The following SRGAP3 variants were observed in gnomAD, a reference collection of about 807,000 sequenced individuals.
The protein encoded by SRGAP3 is SLIT-ROBO Rho GTPase activating protein 3.
In SRGAP3, 39 loss-of-function variants were observed where a neutral mutation model predicts 121.1. The observed-to-expected ratio is 0.32, with a 90% CI of 0.25 to 0.42. SRGAP3 has a LOEUF of 0.42. Among genes scored for constraint, SRGAP3 ranks in the 10% least tolerant of loss-of-function variants. The pLI is 1.00. For synonymous variants in SRGAP3, 601 were observed against 570.0 expected (o/e 1.05, Z -0.77); for missense variants, 1,213 against 1,470.6 (o/e 0.82, Z 2.86).
chr3:9,102,033 G>C (rs1948236250), intron 3 of SRGAP3, among the ~76,000 whole-genome samples: 3 of 152,342 alleles, frequency 2.0e-5, no homozygotes, highest in African/African-American at 7.2e-5. Flanking sequence ...CCAGGCCCAA[G>C]CCAGAAGATA....
intron 1 of SRGAP3, among the ~76,000 whole-genome samples, chr3:9,235,107 G>T (rs1210425757): frequency 6.6e-6 from 1 of 152,202 alleles, no homozygotes; most frequent in Non-Finnish European, 1.5e-5. Context: ...CGCCACAAGA[G>T]AGTGGTGTCC....
At chr3:9,290,390 G>A (rs918969575) in intron 3 of SRGAP3, among the ~76,000 whole-genome samples, 1 of 152,134 alleles carries the variant, frequency 6.6e-6, no homozygotes, top group African/African-American at 2.4e-5. Flanking sequence ...ATGTTGTTTG[G>A]TTACATAGGA....
intron 3 of SRGAP3, among the ~76,000 whole-genome samples, chr3:9,286,910 G>GT (rs34583038): frequency 0.28 from 42,142 of 148,416 alleles, 6,472 homozygotes; most frequent in Admixed American, 0.4. Context: ...GCTATCTTGT[G>GT]TTTTTTTAAT....
intron 2 of SRGAP3, among the ~76,000 whole-genome samples, chr3:9,113,421 C>A (rs573258376): frequency 6.6e-6 from 1 of 152,234 alleles, no homozygotes; most frequent in African/African-American, 2.4e-5. Flanking sequence ...GGTCTCTGTG[C>A]CCAAAGTTCC....
chr3:9,003,479 A>AAAACAAAC (rs149943964), intron 18 of SRGAP3, among the ~76,000 whole-genome samples: 102,633 of 149,828 alleles, frequency 0.69, 36,080 homozygotes, highest in South Asian at 0.84. Flanking sequence ...ATTCCATCTC[A>AAAACAAAC]AAACAAACAA....
At chr3:8,989,297 G>T (rs1228811732) in intron 21 of SRGAP3, among the ~76,000 whole-genome samples, 6 of 152,218 alleles carry the variant, frequency 3.9e-5, no homozygotes, top group Non-Finnish European at 7.3e-5. Flanking sequence ...TCAAGTATGG[G>T]GGGGACCAGC....
Position 8,992,897 on chromosome 3 carries a change from A to C in SRGAP3, c.2558+9T>G. ...ACCAGCAGGGAAAAAATGAATCCGC[A>C]TATCCTACCGGCCCATCACCCCCCC... On this transcript the variant is annotated intron_variant, in intron 20 of 21. Coordinates refer to ENST00000383836, the MANE Select transcript of SRGAP3 (RefSeq NM_014850.4). 1 of 1,614,104 alleles carries C rather than the reference A, an allele frequency of 6.2e-7. No individual in the cohort carries two copies. The highest frequency in any genetic ancestry group is 8.5e-7 in the Non-Finnish European group (1 of 1,180,020).
At chr3:9,288,796 G>A (rs1954826464) in intron 3 of SRGAP3, among the ~76,000 whole-genome samples, 1 of 150,948 alleles carries the variant, frequency 6.6e-6, no homozygotes, top group Non-Finnish European at 1.5e-5. Context: ...GGCTGGTCTT[G>A]AACTCCTGGG....
chr3:9,108,991 G>A lies in SRGAP3; in HGVS notation c.261-4149C>T, dbSNP rs1255484862. 2.0e-5 allele frequency among the ~76,000 whole-genome samples: 3 copies of A among 152,208 alleles called. No homozygotes were observed. The East Asian group carries it at 5.8e-4, about 29-fold the overall frequency. On this transcript the variant is annotated intron_variant, in intron 2 of 21. Transcript: ENST00000383836. ...TCAGATCTTAGGCGACTGGGTAGAT[G>A]CTGATGACATGAACTGAGATAAGAA...
chr3:9,158,556 T>C (rs554411068), intron 1 of SRGAP3, among the ~76,000 whole-genome samples: 1 of 152,304 alleles, frequency 6.6e-6, no homozygotes, highest in African/African-American at 2.4e-5. Context: ...ATTATCCCCA[T>C]GTTCCAGGTG....
intron 2 of SRGAP3, among the ~76,000 whole-genome samples, chr3:9,118,039 G>A (rs1948868697): frequency 6.6e-6 from 1 of 152,114 alleles, no homozygotes; most frequent in Non-Finnish European, 1.5e-5. Flanking sequence ...GGCTGAGGCA[G>A]GAGGATCACT....
intron 3 of SRGAP3, among the ~76,000 whole-genome samples, chr3:9,274,026 G>C (rs1954527726): frequency 6.6e-6 from 1 of 152,062 alleles, no homozygotes; most frequent in Non-Finnish European, 1.5e-5. Context: ...CTAGATTAAA[G>C]GTCTTCCACT....
At chr3:9,276,496 G>T (rs12715662) in intron 3 of SRGAP3, among the ~76,000 whole-genome samples, 83,432 of 150,704 alleles carry the variant, frequency 0.55, 23,564 homozygotes, top group East Asian at 0.94. Flanking sequence ...CGCAATCTCG[G>T]CTCACTGCAA....
chr3:9,060,317 C>T lies in SRGAP3; in HGVS notation c.715G>A (p.Ala239Thr). The part of the protein sequence containing the change: ...YSENKLKCTK[A>T]RNDYLLNLAA... The stretch of plus-strand genomic sequence containing the variant: ...AGATTGAGCAAGTAGTCATTCCGGG[C>T]CTTTGTGCATTTCAGCTTGTTCTCA... The change falls in exon 6 of 22, where the codon GCC (alanine) becomes ACC (threonine). Residue 239 changes from alanine (A) to threonine (T), a missense_variant. Transcript: ENST00000383836. The T allele has an allele frequency of 6.2e-7, 1 of 1,614,056 alleles. No individual in the cohort carries two copies. The highest frequency in any genetic ancestry group is 8.5e-7 in the Non-Finnish European group (1 of 1,179,992).
chr3:9,017,607 G>A (rs1279448306), intron 14 of SRGAP3, among the ~76,000 whole-genome samples: 3 of 152,166 alleles, frequency 2.0e-5, no homozygotes, highest in African/African-American at 7.2e-5. Flanking sequence ...TATTGGGAGG[G>A]ACTTGCAAAT....
rs756466700 is a variant in SRGAP3, at chr3:9,013,800, A to T, written c.1856T>A (p.Ile619Asn). ...GACCACGCGGGGAAGGGTGACGAGGATTTGTTGGATCTGGTGCACCCTCTC... is the reference window on the plus strand; with the variant it reads ...GACCACGCGGGGAAGGGTGACGAGGTTTTGTTGGATCTGGTGCACCCTCTC... The part of the protein sequence containing the change: ...PAERVHQIQQ[I>N]LVTLPRVVIV... The change falls in exon 16 of 22, where the codon ATC (isoleucine) becomes AAC (asparagine). Residue 619 changes from isoleucine (I) to asparagine (N), a missense_variant. Physicochemically the swap from Ile to Asn is moderately radical, Grantham distance 149. Transcript: ENST00000383836. The T allele has an allele frequency of 1.2e-6, 2 of 1,614,034 alleles. No homozygotes were observed. Among genetic ancestry groups the T allele is most frequent in the African/African-American group, 2.7e-5 (2 of 74,910 alleles).
At chr3:9,300,128 CTA>C (rs1018727141) in intron 3 of SRGAP3, among the ~76,000 whole-genome samples, 2 of 7,704 alleles carry the variant, frequency 2.6e-4, no homozygotes, top group African/African-American at 9.1e-4. Flanking sequence ...GCTAAGTGCT[CTA>C]TATGTGTTAG....
At chr3:9,206,273 A>G (rs1952263366) in intron 1 of SRGAP3, among the ~76,000 whole-genome samples, 1 of 152,218 alleles carries the variant, frequency 6.6e-6, no homozygotes, top group Non-Finnish European at 1.5e-5. Flanking sequence ...TCCATAAAAC[A>G]GGTACTGTAT....
intron 9 of SRGAP3, among the ~76,000 whole-genome samples, chr3:9,047,926 A>C (rs1470297683): frequency 6.6e-6 from 1 of 152,238 alleles, no homozygotes; most frequent in Non-Finnish European, 1.5e-5. Flanking sequence ...GAGCCTCGGA[A>C]CGAGTCTTCC....
Sources: allele counts gnomAD v4.1 joint callset (sites outside exome capture counted in the v4.1 genomes callset), GRCh38; gene constraint gnomAD v4.1.1; transcripts MANE v1.5; gene names NCBI Gene and HGNC (gene_info 2026-07-23, HGNC 2026-07-21).